NPAS3: variants seen among roughly 807,000 people sequenced by gnomAD.
NPAS3 encodes the protein neuronal PAS domain-containing protein 3.
NPAS3 carries 14 observed loss-of-function variants against 73.1 expected under a neutral mutation model. The ratio of observed to expected loss-of-function variants is 0.19; its 90% CI spans 0.13 to 0.30. The LOEUF is 0.30. Among genes scored for constraint, NPAS3 ranks in the 10% least tolerant of loss-of-function variants. The pLI is 1.00. For synonymous variants in NPAS3, 620 were observed against 541.5 expected, an observed-to-expected ratio of 1.14 and a Z score of -2.01; for missense variants, 1,096 against 1,250.0, an observed-to-expected ratio of 0.88 and a Z score of 1.86.
chr14:33,648,419 A>G lies in NPAS3; in HGVS notation c.559-27792A>G, dbSNP rs139796647. The stretch of plus-strand genomic sequence containing the variant: ...TTGGGCATGTACCATTTACATCCCT[A>G]ACCTATTTAATGTTTTAAAACATTT... On this transcript the variant is annotated intron_variant, in intron 5 of 11. Transcript: ENST00000356141. 2.9e-3 allele frequency among the ~76,000 whole-genome samples: 446 copies of G among 152,340 alleles called. 2 individuals carry two copies. The highest frequency in any genetic ancestry group is 0.01 in the African/African-American group (429 of 41,568).
At chr14:33,263,415 A>G (rs2049047808) in intron 3 of NPAS3, among the ~76,000 whole-genome samples, 1 of 152,168 alleles carries the variant, frequency 6.6e-6, no homozygotes, top group African/African-American at 2.4e-5. Context: ...GGTTTGTCAA[A>G]GATCAGATAG....
Position 33,075,746 on chromosome 14 carries a change from A to G in NPAS3, c.140+19752A>G, listed in dbSNP as rs559238637. On this transcript the variant is annotated intron_variant, in intron 2 of 11. Coordinates refer to ENST00000356141, the Ensembl canonical transcript of NPAS3. ...ATTTGTTTAGGGAGATAGTCATATA[A>G]TGAATTTTCATAAATAATGTTAAAA... Among the ~76,000 whole-genome samples, 31 of 152,356 alleles carry G rather than the reference A, an allele frequency of 2.0e-4. 1 individual carries two copies. The South Asian group carries it at 6.4e-3, about 32-fold the overall frequency.
intron 3 of NPAS3, among the ~76,000 whole-genome samples, chr14:33,324,920 C>T (rs1279685551): frequency 6.6e-6 from 1 of 152,102 alleles, no homozygotes; most frequent in Non-Finnish European, 1.5e-5. Flanking sequence ...GATGTTACAG[C>T]TCATCACTGT....
chr14:33,189,190 CA>C (rs1392499787), intron 2 of NPAS3, among the ~76,000 whole-genome samples: 4 of 152,156 alleles, frequency 2.6e-5, no homozygotes, highest in Non-Finnish European at 5.9e-5. Context: ...CTTTTGGACC[CA>C]GTTTCATGTC....
At chr14:33,633,591 GGTAA>G (rs1461144006) in intron 5 of NPAS3, among the ~76,000 whole-genome samples, 1 of 152,128 alleles carries the variant, frequency 6.6e-6, no homozygotes, top group Non-Finnish European at 1.5e-5. Flanking sequence ...TTAACACAAT[GGTAA>G]GTATTTGTGT....
intron 3 of NPAS3, among the ~76,000 whole-genome samples, chr14:33,284,286 G>A (rs914267802): frequency 1.3e-5 from 2 of 151,940 alleles, no homozygotes; most frequent in East Asian, 3.9e-4. Context: ...TCATACTTTA[G>A]ATGACATAAG....
chr14:33,674,726 G>A (rs903817249), intron 5 of NPAS3, among the ~76,000 whole-genome samples: 9 of 152,190 alleles, frequency 5.9e-5, no homozygotes, highest in Non-Finnish European at 1.2e-4. Context: ...CTAATTTTCC[G>A]TAAAAGTTAC....
intron 5 of NPAS3, among the ~76,000 whole-genome samples, chr14:33,651,149 C>T (rs2058982102): frequency 6.6e-6 from 1 of 152,234 alleles, no homozygotes; most frequent in South Asian, 2.1e-4. Context: ...AATCATCACA[C>T]CTCCTACAAC....
At chr14:33,195,822 T>C (rs2046332045) in intron 2 of NPAS3, among the ~76,000 whole-genome samples, 2 of 152,212 alleles carry the variant, frequency 1.3e-5, no homozygotes, top group Admixed American at 1.3e-4. Context: ...CACTGGATCC[T>C]GAAGGAAAGT....
intron 3 of NPAS3, among the ~76,000 whole-genome samples, chr14:33,247,548 T>C (rs187333766): frequency 1.3e-5 from 2 of 152,332 alleles, no homozygotes; most frequent in East Asian, 1.9e-4. Context: ...CAGCGGGGCA[T>C]TGTGCATTCG....
At chr14:32,939,751 C>T (rs2035898621) in intron 1 of NPAS3, among the ~76,000 whole-genome samples, 2 of 151,878 alleles carry the variant, frequency 1.3e-5, no homozygotes, top group African/African-American at 4.8e-5. Context: ...CCGGGGCCGC[C>T]GCAGGTCCCC....
At chr14:33,200,030 C>T (rs1413123178) in intron 2 of NPAS3, among the ~76,000 whole-genome samples, 2 of 151,452 alleles carry the variant, frequency 1.3e-5, no homozygotes, top group Admixed American at 1.3e-4. Flanking sequence ...ACATTTGACT[C>T]ATTGTTAAAG....
chr14:33,402,714 C>G (rs2047497389), intron 4 of NPAS3, among the ~76,000 whole-genome samples: 1 of 152,174 alleles, frequency 6.6e-6, no homozygotes, highest in Non-Finnish European at 1.5e-5. Context: ...CCCTATAGTT[C>G]TTATTTTTAT....
At chr14:33,216,690 G>A (rs947180008) in intron 3 of NPAS3, among the ~76,000 whole-genome samples, 7 of 151,990 alleles carry the variant, frequency 4.6e-5, no homozygotes, top group Admixed American at 6.6e-5. Flanking sequence ...ACAAAACAGC[G>A]TGGCTGTGTT....
At chr14:33,131,474 C>T (rs2139109107) in intron 2 of NPAS3, among the ~76,000 whole-genome samples, 1 of 91,416 alleles carries the variant, frequency 1.1e-5, no homozygotes, top group Non-Finnish European at 2.4e-5. Flanking sequence ...TAACAAAACG[C>T]CCAGCTGAGG....
At position 33,207,977 on chromosome 14, in the gene NPAS3, T is replaced by G. The variant is rs10146371; in HGVS notation, c.141-7205T>G. ...ACCACTTTAATTGATAATTTTTTTT[T>G]GTTCTGAGTTCAATTGTGAAGTGAT... On this transcript the variant is annotated intron_variant, in intron 2 of 11. Coordinates refer to ENST00000356141, the Ensembl canonical transcript of NPAS3. Among the ~76,000 whole-genome samples the G allele has an allele frequency of 6.8e-3, 1,036 of 152,228 alleles. 14 individuals are homozygous for G. Among genetic ancestry groups the G allele is most frequent in the African/African-American group, 0.024 (1,001 of 41,550 alleles).
chr14:33,118,239 T>C (rs1474232024), intron 2 of NPAS3, among the ~76,000 whole-genome samples: 1 of 151,998 alleles, frequency 6.6e-6, no homozygotes, highest in Non-Finnish European at 1.5e-5. Flanking sequence ...AATATAAATA[T>C]GCAGTAGTAT....
intron 1 of NPAS3, among the ~76,000 whole-genome samples, chr14:32,947,653 G>A (rs2036317190): frequency 1.3e-5 from 2 of 151,984 alleles, no homozygotes; most frequent in African/African-American, 4.8e-5. Context: ...CCATGTTTGT[G>A]TATGTCTATC....
intron 4 of NPAS3, among the ~76,000 whole-genome samples, chr14:33,496,826 C>A (rs919103762): frequency 6.6e-6 from 1 of 152,102 alleles, no homozygotes; most frequent in African/African-American, 2.4e-5. Context: ...TCCTATTCAA[C>A]ATAGTATTGG....
Sources: gnomAD v4.1 joint callset for allele counts (sites outside exome capture counted in the v4.1 genomes callset) on GRCh38, gnomAD v4.1.1 for gene constraint, MANE v1.5 for transcripts, NCBI Gene and HGNC (gene_info 2026-07-23, HGNC 2026-07-21) for gene names.